GLP2R: variants seen among roughly 807,000 people sequenced by gnomAD.
GLP2R encodes glucagon-like peptide 2 receptor.
GLP2R carries 59 observed loss-of-function variants against 68.2 expected under a neutral mutation model. That is an observed-to-expected ratio of 0.87 (90% CI 0.70 to 1.07). The LOEUF (loss-of-function observed/expected upper bound fraction) is 1.07, where lower values mean the gene tolerates loss of function less well. GLP2R is among the 50% of genes least tolerant of loss of function. The probability of loss-of-function intolerance (pLI) is 0.00; values close to 1 mark genes in which losing one functional copy is unlikely to be tolerated. For missense variants in GLP2R, 548 were observed against 677.4 expected, an observed-to-expected ratio of 0.81 and a Z score of 2.12; for synonymous variants, 270 against 265.4, an observed-to-expected ratio of 1.02 and a Z score of -0.17.
intron 4 of GLP2R, among the ~76,000 whole-genome samples, chr17:9,852,025 A>G (rs1050857865): frequency 1.3e-5 from 2 of 151,548 alleles, no homozygotes; most frequent in South Asian, 2.1e-4. Flanking sequence ...CAAAGCAGTC[A>G]TGGAGAGAAA....
At chr17:9,844,715 G>A (rs1256559979) in intron 4 of GLP2R, among the ~76,000 whole-genome samples, 1 of 88,192 alleles carries the variant, frequency 1.1e-5, no homozygotes. Flanking sequence ...TTGTGAGGCA[G>A]AGTCTCGCTC....
intron 4 of GLP2R, among the ~76,000 whole-genome samples, chr17:9,853,769 G>A (rs967179475): frequency 6.6e-6 from 1 of 152,136 alleles, no homozygotes; most frequent in African/African-American, 2.4e-5. Flanking sequence ...TAACTCCAAT[G>A]GTGAATTCTA....
intron 1 of GLP2R, among the ~76,000 whole-genome samples, chr17:9,827,812 A>G (rs1297641429): frequency 2.0e-5 from 3 of 151,952 alleles, no homozygotes; most frequent in Non-Finnish European, 4.4e-5. Context: ...AAATACAAAA[A>G]TTATCTGGGC....
rs116379753 is a variant in GLP2R, at chr17:9,884,309, T to C, written c.1285-3623T>C. Among the ~76,000 whole-genome samples the C allele has an allele frequency of 6.1e-3, 934 of 152,332 alleles. 13 individuals are homozygous for C. Among genetic ancestry groups the C allele is most frequent in the African/African-American group, 0.02 (844 of 41,580 alleles). On this transcript the variant is annotated intron_variant, in intron 11 of 12. Coordinates refer to ENST00000262441, the MANE Select transcript of GLP2R (RefSeq NM_004246.3). ...TTAACATGGAATAATTTCAGCCTCATGGGATTCACAAAATATCCCTATGAA... is the reference window on the plus strand; with the variant it reads ...TTAACATGGAATAATTTCAGCCTCACGGGATTCACAAAATATCCCTATGAA...
At chr17:9,866,440 C>T (rs1016989425) in intron 9 of GLP2R, 3 of 154,682 alleles carry the variant, frequency 1.9e-5, no homozygotes, top group East Asian at 1.9e-4. Flanking sequence ...CACAGAACCA[C>T]CCCCAGAATA....
intron 4 of GLP2R, among the ~76,000 whole-genome samples, chr17:9,852,243 C>T (rs570543797): frequency 1.3e-5 from 2 of 152,026 alleles, no homozygotes; most frequent in South Asian, 4.2e-4. Flanking sequence ...CCTGACAGGC[C>T]CCCGTGTGTG....
chr17:9,851,039 T>C (rs2066887015), intron 4 of GLP2R, among the ~76,000 whole-genome samples: 1 of 152,116 alleles, frequency 6.6e-6, no homozygotes, highest in African/African-American at 2.4e-5. Context: ...ATTCCAATTC[T>C]TGTCTCAGGA....
chr17:9,879,736 C>T (rs186384971), intron 10 of GLP2R, among the ~76,000 whole-genome samples: 21 of 152,288 alleles, frequency 1.4e-4, no homozygotes, highest in East Asian at 1.3e-3. Flanking sequence ...TGAACCTCCA[C>T]GCCGCACTTT....
intron 4 of GLP2R, among the ~76,000 whole-genome samples, chr17:9,842,957 G>C (rs2066801909): frequency 6.6e-6 from 1 of 152,178 alleles, no homozygotes; most frequent in Admixed American, 6.5e-5. Flanking sequence ...CTCCTTCAAA[G>C]AGAGATCTTC....
intron 1 of GLP2R, among the ~76,000 whole-genome samples, chr17:9,833,155 C>T (rs558158709): frequency 1.3e-4 from 20 of 151,460 alleles, no homozygotes; most frequent in African/African-American, 3.4e-4. Context: ...CCCAGCTACT[C>T]GGGGAGGCTG....
chr17:9,871,061 G>A (rs1293992584), intron 10 of GLP2R, among the ~76,000 whole-genome samples: 1 of 152,124 alleles, frequency 6.6e-6, no homozygotes, highest in Non-Finnish European at 1.5e-5. Flanking sequence ...TCCCCCAGCA[G>A]AAAACTGTTA....
chr17:9,873,014 T>TGTCTCTCTTGGC (rs2067109475), intron 10 of GLP2R, among the ~76,000 whole-genome samples: 1 of 152,226 alleles, frequency 6.6e-6, no homozygotes, highest in Non-Finnish European at 1.5e-5. Flanking sequence ...GGAGCCACGC[T>TGTCTCTCTTGGC]GTCTCTCTTG....
chr17:9,840,270 C>T (rs1275675095), intron 3 of GLP2R, among the ~76,000 whole-genome samples: 2 of 152,222 alleles, frequency 1.3e-5, no homozygotes, highest in African/African-American at 2.4e-5. Flanking sequence ...CCACCGCACC[C>T]GGCCTCTGAG....
intron 4 of GLP2R, among the ~76,000 whole-genome samples, chr17:9,842,969 A>G (rs1447671223): frequency 3.3e-5 from 5 of 152,180 alleles, no homozygotes; most frequent in East Asian, 1.9e-4. Flanking sequence ...GAGATCTTCC[A>G]GGGTCACCTA....
At chr17:9,838,600 C>T (rs2066755555) in intron 3 of GLP2R, among the ~76,000 whole-genome samples, 1 of 151,890 alleles carries the variant, frequency 6.6e-6, no homozygotes, top group South Asian at 2.1e-4. Flanking sequence ...TTCAAAAAGC[C>T]ACATTTACAA....
At chr17:9,884,034 G>T (rs913948649) in intron 11 of GLP2R, among the ~76,000 whole-genome samples, 1 of 152,002 alleles carries the variant, frequency 6.6e-6, no homozygotes, top group African/African-American at 2.4e-5. Context: ...ACTATACATT[G>T]TATTTTTGGG....
intron 10 of GLP2R, among the ~76,000 whole-genome samples, chr17:9,875,050 A>T (rs1411212634): frequency 6.6e-6 from 1 of 152,040 alleles, no homozygotes; most frequent in Non-Finnish European, 1.5e-5. Context: ...AGTGCAATAG[A>T]GTTGATTAGC....
At chr17:9,849,490 C>T (rs1266415240) in intron 4 of GLP2R, among the ~76,000 whole-genome samples, 1 of 151,966 alleles carries the variant, frequency 6.6e-6, no homozygotes, top group East Asian at 1.9e-4. Flanking sequence ...GCTTTTCTGC[C>T]CTAGAAATAT....
chr17:9,880,448 GATGATCAA>G lies in GLP2R; in HGVS notation c.1217_1224del (p.Asp406GlyfsTer2). ...TGAGATCCTCTTCTCTTTCATCACT[GATGATCAA>G]GTTGAAGGATTTGCAAAACTTATAC... On this transcript the variant is annotated frameshift_variant, in exon 11 of 13. Coordinates refer to ENST00000262441, the MANE Select transcript of GLP2R (RefSeq NM_004246.3). LOFTEE classifies it high-confidence loss of function. 6.2e-7 allele frequency: 1 copy of G among 1,600,194 alleles called. No homozygotes were observed. The highest frequency in any genetic ancestry group is 8.6e-7 in the Non-Finnish European group (1 of 1,168,956).
Sources: allele counts gnomAD v4.1 joint callset (sites outside exome capture counted in the v4.1 genomes callset), GRCh38; gene constraint gnomAD v4.1.1; transcripts MANE v1.5; gene names NCBI Gene and HGNC (gene_info 2026-07-23, HGNC 2026-07-21).